Variants in PEAK1 observed in about 807,000 individuals in gnomAD.
PEAK1 encodes the protein inactive tyrosine-protein kinase PEAK1.
Under a neutral mutation model 124.7 loss-of-function variants are expected in PEAK1, and 54 were observed. That is an observed-to-expected ratio of 0.43 (90% CI 0.35 to 0.54). The LOEUF (loss-of-function observed/expected upper bound fraction) is 0.54. Among genes scored for constraint, PEAK1 ranks in the 20% least tolerant of loss-of-function variants. The pLI, the probability that PEAK1 is intolerant of heterozygous loss-of-function variation, is 0.01. For missense variants in PEAK1, 2,046 were observed against 2,134.5 expected, an observed-to-expected ratio of 0.96 and a Z score of 0.82; for synonymous variants, 719 against 760.0, an observed-to-expected ratio of 0.95 and a Z score of 0.89.
chr15:77,372,185 C>A (rs1260513372), intron 1 of PEAK1, among the ~76,000 whole-genome samples: 1 of 152,184 alleles, frequency 6.6e-6, no homozygotes, highest in Admixed American at 6.5e-5. Context: ...CATTGCTCCA[C>A]TGTTGTCGAT....
intron 1 of PEAK1, among the ~76,000 whole-genome samples, chr15:77,373,031 T>C (rs1352824063): frequency 6.6e-6 from 1 of 152,210 alleles, no homozygotes; most frequent in African/African-American, 2.4e-5. Context: ...AGTCCAGGTA[T>C]TTCTTTATAG....
chr15:77,165,288 G>A (rs549464633), intron 7 of PEAK1, among the ~76,000 whole-genome samples: 45 of 150,174 alleles, frequency 3.0e-4, no homozygotes, highest in African/African-American at 1.1e-3. Context: ...TCTGCCTCCC[G>A]GGTTCAAGCG....
intron 5 of PEAK1, among the ~76,000 whole-genome samples, chr15:77,260,879 G>A (rs1044372756): frequency 4.6e-5 from 7 of 152,168 alleles, no homozygotes; most frequent in Non-Finnish European, 8.8e-5. Flanking sequence ...CCCCAGTAGA[G>A]GCAGACTGAC....
chr15:77,359,454 C>T (rs529355005), intron 2 of PEAK1, among the ~76,000 whole-genome samples: 3 of 147,280 alleles, frequency 2.0e-5, no homozygotes, highest in South Asian at 2.2e-4. Context: ...AAAAAAAAAA[C>T]GGTTTCAGCC....
At chr15:77,208,929 C>G (rs771591304) in intron 6 of PEAK1, among the ~76,000 whole-genome samples, 64 of 152,164 alleles carry the variant, frequency 4.2e-4, no homozygotes, top group Non-Finnish European at 8.2e-4. Flanking sequence ...AGCAATAAAA[C>G]ATAGATGTTA....
intron 7 of PEAK1, among the ~76,000 whole-genome samples, chr15:77,161,822 C>T (rs1031024209): frequency 1.3e-5 from 2 of 151,694 alleles, no homozygotes; most frequent in African/African-American, 2.4e-5. Context: ...AAAAATTAGC[C>T]GGGTGTGGTG....
At chr15:77,324,201 G>C (rs1295631981) in intron 2 of PEAK1, among the ~76,000 whole-genome samples, 1 of 152,158 alleles carries the variant, frequency 6.6e-6, no homozygotes, top group Non-Finnish European at 1.5e-5. Flanking sequence ...CACATTGCTG[G>C]GTGTGATGGC....
intron 6 of PEAK1, among the ~76,000 whole-genome samples, chr15:77,243,258 T>G (rs2060436900): frequency 6.6e-6 from 1 of 152,230 alleles, no homozygotes; most frequent in Admixed American, 6.5e-5. Flanking sequence ...TGTGTCAGAC[T>G]AAATTTGAGC....
chr15:77,299,157 A>AT (rs1188193785), intron 2 of PEAK1, among the ~76,000 whole-genome samples: 2 of 152,162 alleles, frequency 1.3e-5, no homozygotes, highest in African/African-American at 4.8e-5. Context: ...TCTAGAATTG[A>AT]TTTTTTATCA....
chr15:77,288,811 C>T (rs1024836126), intron 2 of PEAK1, among the ~76,000 whole-genome samples: 13 of 151,872 alleles, frequency 8.6e-5, no homozygotes, highest in African/African-American at 3.1e-4. Context: ...CACCTGTAGT[C>T]CCAGCTACTC....
intron 1 of PEAK1, among the ~76,000 whole-genome samples, chr15:77,385,570 T>G (rs1597543589): frequency 6.6e-6 from 1 of 152,032 alleles, no homozygotes; most frequent in East Asian, 1.9e-4. Flanking sequence ...GGCAAAGGAG[T>G]CTTTTTTCTA....
chr15:77,256,710 A>G (rs998113646), intron 5 of PEAK1, among the ~76,000 whole-genome samples: 5 of 152,046 alleles, frequency 3.3e-5, no homozygotes, highest in Non-Finnish European at 7.4e-5. Context: ...TATATTGTCT[A>G]TGGCTAATTT....
intron 5 of PEAK1, among the ~76,000 whole-genome samples, chr15:77,260,731 GATGT>G (rs2061396478): frequency 6.6e-6 from 1 of 152,172 alleles, no homozygotes; most frequent in Non-Finnish European, 1.5e-5. Flanking sequence ...CGACACAGAA[GATGT>G]ATGATTTCTG....
chr15:77,242,542 G>A (rs1010259484), intron 6 of PEAK1, among the ~76,000 whole-genome samples: 4 of 152,100 alleles, frequency 2.6e-5, no homozygotes, highest in East Asian at 1.9e-4. Flanking sequence ...AAACTGATGC[G>A]CTATGAAATC....
rs183327248 is a variant in PEAK1, at chr15:77,265,559, C to A, written c.-274-13033G>T. 3.5e-3 allele frequency among the ~76,000 whole-genome samples: 535 copies of A among 152,236 alleles called. 1 individual carries two copies. Among genetic ancestry groups the A allele is most frequent in the Middle Eastern group, 6.8e-3 (2 of 294 alleles). On this transcript the variant is annotated intron_variant, in intron 5 of 9. Transcript: ENST00000682557. ...TGCAAATCCAAACTGCAATGAGATA[C>A]CATCTCACACCAGTTAGAATGGCGA... is the stretch of plus-strand genomic sequence containing the variant.
At chr15:77,198,768 T>C (rs1487790706) in intron 6 of PEAK1, among the ~76,000 whole-genome samples, 1 of 152,190 alleles carries the variant, frequency 6.6e-6, no homozygotes, top group Non-Finnish European at 1.5e-5. Flanking sequence ...GAGAATTTAA[T>C]GTCAGCAAAG....
At chr15:77,363,262 ATCTC>A (rs991060609) in intron 2 of PEAK1, among the ~76,000 whole-genome samples, 8 of 152,060 alleles carry the variant, frequency 5.3e-5, no homozygotes, top group African/African-American at 1.9e-4. Context: ...GTGCACTGAC[ATCTC>A]TAAAGCAAGC....
chr15:77,215,772 T>C (rs1435553543), intron 6 of PEAK1, among the ~76,000 whole-genome samples: 1 of 152,202 alleles, frequency 6.6e-6, no homozygotes, highest in Non-Finnish European at 1.5e-5. Flanking sequence ...CTCGTTATGT[T>C]GCCCCTGCAC....
intron 9 of PEAK1, among the ~76,000 whole-genome samples, chr15:77,125,498 A>ATG (rs539532020): frequency 4.1e-4 from 61 of 150,286 alleles, no homozygotes; most frequent in Non-Finnish European, 7.1e-4. Context: ...GTGTGTGTGT[A>ATG]TGTGTGTGTG....
Sources: allele counts gnomAD v4.1 joint callset (sites outside exome capture counted in the v4.1 genomes callset), GRCh38; gene constraint gnomAD v4.1.1; transcripts MANE v1.5; gene names NCBI Gene and HGNC (gene_info 2026-07-23, HGNC 2026-07-21).